Variants in ATP1A4 observed in about 807,000 individuals in gnomAD.
ATP1A4 encodes ATPase Na+/K+ transporting subunit alpha 4.
ATP1A4 carries 90 observed loss-of-function variants against 114.3 expected under a neutral mutation model. The observed-to-expected ratio is 0.79, with a 90% confidence interval of 0.66 to 0.94. The LOEUF is 0.94. ATP1A4 is among the 40% of genes least tolerant of loss of function. ATP1A4 has a pLI of 0.00. For missense variants in ATP1A4, 1,222 were observed against 1,313.6 expected (o/e 0.93, Z 1.08); for synonymous variants, 511 against 494.1 (o/e 1.03, Z -0.45).
chr1:160,160,214 T>C (rs1652820674), intron 6 of ATP1A4, among the ~76,000 whole-genome samples: 3 of 152,114 alleles, frequency 2.0e-5, no homozygotes, highest in African/African-American at 7.2e-5. Context: ...AATAGTTCTT[T>C]TGTTTGTTTT....
intron 2 of ATP1A4, 129 bp downstream of exon 2, chr1:160,153,353 C>T: frequency 1.3e-6 from 1 of 749,098 alleles, no homozygotes; most frequent in South Asian, 1.6e-5. Context: ...CACCCTCTGC[C>T]TGGCCACGTT....
chr1:160,162,532 C>T (rs1652898249), intron 6 of ATP1A4, among the ~76,000 whole-genome samples: 1 of 152,194 alleles, frequency 6.6e-6, no homozygotes, highest in Non-Finnish European at 1.5e-5. Flanking sequence ...GATTTCTCAA[C>T]CACTCACATT....
intron 18 of ATP1A4, among the ~76,000 whole-genome samples, chr1:160,179,117 C>A (rs764037750): frequency 3.3e-5 from 5 of 152,194 alleles, no homozygotes; most frequent in Non-Finnish European, 7.3e-5. Flanking sequence ...GTCTCCAAAC[C>A]AAGCCAATTG....
chr1:160,171,434 G>T lies in ATP1A4; in HGVS notation c.1675G>T (p.Val559Leu). Reference protein sequence around the residue: ...YLELGGLGERVLGFCFLNLPS... With the variant: ...YLELGGLGERLLGFCFLNLPS... ...AGAACTGGGAGGTCTGGGGGAACGT[G>T]TGCTAGGTGAGGAGCTTTGGGAGAA... is the stretch of plus-strand genomic sequence containing the variant. The change falls in exon 11 of 22, where the codon GTG becomes TTG. Residue 559 changes from valine (V) to leucine (L), a missense_variant. Val to Leu is a conservative substitution (Grantham distance 32). Transcript: ENST00000368081. 1.2e-6 allele frequency: 2 copies of T among 1,613,730 alleles called. No homozygotes were observed. The highest frequency in any genetic ancestry group is 1.7e-6 in the Non-Finnish European group (2 of 1,179,674).
chr1:160,166,511 T>A lies in ATP1A4; in HGVS notation c.1048-17T>A, dbSNP rs754470014. ...TCCATCTCCCATGTGTATTCTCTCCTCTCTTCTTGGCTTTAGGTGTGCCTG... is the reference window on the plus strand; with the variant it reads ...TCCATCTCCCATGTGTATTCTCTCCACTCTTCTTGGCTTTAGGTGTGCCTG... On this transcript the variant is annotated splice_polypyrimidine_tract_variant and intron_variant, in intron 7 of 21. Transcript: ENST00000368081. The A allele has an allele frequency of 1.1e-5, 18 of 1,613,858 alleles. No homozygotes were observed. Among genetic ancestry groups the A allele is most frequent in the African/African-American group, 1.3e-5 (1 of 74,904 alleles).
intron 21 of ATP1A4, 30 bp from the exon 22 acceptor site, chr1:160,186,641 C>G: frequency 6.2e-7 from 1 of 1,605,660 alleles, no homozygotes; most frequent in Non-Finnish European, 8.5e-7. Flanking sequence ...TTCCTTCTCC[C>G]AGTTCACGCT....
intron 21 of ATP1A4, 47 bp downstream of exon 21, chr1:160,186,414 C>T (rs762910015): frequency 1.4e-6 from 2 of 1,408,360 alleles, no homozygotes; most frequent in Admixed American, 1.7e-5. Context: ...CACCAGCCCC[C>T]TCACTAGCTC....
At chr1:160,160,012 T>C (rs901420757) in intron 6 of ATP1A4, among the ~76,000 whole-genome samples, 4 of 152,164 alleles carry the variant, frequency 2.6e-5, no homozygotes, top group Non-Finnish European at 2.9e-5. Context: ...CCACTTAAAC[T>C]TTGGCTTTGC....
chr1:160,164,602 C>T (rs569891857), intron 7 of ATP1A4, among the ~76,000 whole-genome samples, 178 bp downstream of exon 7: 10 of 152,304 alleles, frequency 6.6e-5, no homozygotes, highest in African/African-American at 1.9e-4. Context: ...CCATATATTT[C>T]GGTGTCTTCT....
intron 6 of ATP1A4, among the ~76,000 whole-genome samples, chr1:160,161,063 G>C (rs1293609881): frequency 6.6e-6 from 1 of 152,148 alleles, no homozygotes; most frequent in African/African-American, 2.4e-5. Context: ...GGTCTGTTTA[G>C]ATAGAAAATG....
In ATP1A4 at chr1:160,167,404, A is replaced by G. The variant is rs775918769; in HGVS notation, c.1483A>G (p.Lys495Glu). The G allele has an allele frequency of 6.2e-7, 1 of 1,612,872 alleles. No individual in the cohort carries two copies. The highest frequency in any genetic ancestry group is 8.5e-7 in the Non-Finnish European group (1 of 1,179,726). The change falls in exon 10 of 22, where the codon AAG becomes GAG. Residue 495 changes from lysine (K) to glutamate (E), a missense_variant. Transcript: ENST00000368081. ...AGAGATTCCCTTTAATTCTACCAACAAGTACCAGGTACAGAACCCACAAAG... is the reference window on the plus strand; with the variant it reads ...AGAGATTCCCTTTAATTCTACCAACGAGTACCAGGTACAGAACCCACAAAG... ...VAEIPFNSTN[K>E]YQMSIHLRED... is the part of the protein sequence containing the mutation.
chr1:160,158,021 T>C (rs1652728482), intron 4 of ATP1A4, among the ~76,000 whole-genome samples: 1 of 152,224 alleles, frequency 6.6e-6, no homozygotes, highest in South Asian at 2.1e-4. Flanking sequence ...TTGGTATCAC[T>C]TAATTCCTTC....
chr1:160,154,725 G>A (rs1287733264), intron 2 of ATP1A4, among the ~76,000 whole-genome samples: 1 of 152,016 alleles, frequency 6.6e-6, no homozygotes, highest in East Asian at 1.9e-4. Flanking sequence ...CTCCCCACTG[G>A]AGCACCTTAA....
chr1:160,186,533 T>C, intron 21 of ATP1A4, 138 bp from the exon 22 acceptor site: 1 of 1,119,088 alleles, frequency 8.9e-7, no homozygotes, highest in Non-Finnish European at 1.3e-6. Flanking sequence ...GCTGCACCCC[T>C]CTGCTCCATC....
At chr1:160,186,388 G>T in intron 21 of ATP1A4, 21 bp downstream of exon 21, 8 of 1,579,026 alleles carry the variant, frequency 5.1e-6, no homozygotes, top group Non-Finnish European at 6.9e-6. Flanking sequence ...CCTGGGCCCC[G>T]CTCTGACTGA....
chr1:160,171,580 T>A lies in ATP1A4; in HGVS notation c.1682-5T>A. The A allele has an allele frequency of 6.2e-7, 1 of 1,613,232 alleles. No homozygotes were observed. The highest frequency in any genetic ancestry group is 8.5e-7 in the Non-Finnish European group (1 of 1,179,488). ...CTACTGGTCCCTCCCTCTGTCTCTC[T>A]CCAGGCTTCTGCTTCTTGAATCTGC... On this transcript the variant is annotated splice_region_variant and splice_polypyrimidine_tract_variant and intron_variant, in intron 11 of 21. Coordinates refer to ENST00000368081, the MANE Select transcript of ATP1A4 (RefSeq NM_144699.4).
At chr1:160,180,442 G>C (rs1311708219) in intron 18 of ATP1A4, among the ~76,000 whole-genome samples, 21 of 152,230 alleles carry the variant, frequency 1.4e-4, no homozygotes, top group African/African-American at 2.4e-5. Context: ...CACCCCTTCT[G>C]TGTTCCCATA....
In ATP1A4 at chr1:160,176,221, T is replaced by C; in HGVS notation, c.2441T>C (p.Leu814Pro). Residue 814 changes from leucine (L) to proline (P), a missense_variant, in exon 16 of 22, where the codon CTC becomes CCC. Coordinates refer to ENST00000368081, the MANE Select transcript of ATP1A4 (RefSeq NM_144699.4). ...IPLPLGTITI[L>P]CIDLGTDMVP... ...CTGCCTCTGGGAACCATAACCATCC[T>C]CTGCATTGATCTCGGCACTGACATG... 1 of 1,614,104 alleles carries C rather than the reference T, an allele frequency of 6.2e-7. No individual in the cohort carries two copies. The highest frequency in any genetic ancestry group is 8.5e-7 in the Non-Finnish European group (1 of 1,180,024).
Position 160,171,665 on chromosome 1 carries a change from A to G in ATP1A4, c.1762A>G (p.Asn588Asp), listed in dbSNP as rs770770326. ...NTDEINFPMD[N>D]LCFVGLISMI... Reference sequence around the variant, plus strand: ...AGATGAAATAAATTTCCCCATGGACAACCTTTGTTTTGTGGGCCTCATATC... The same window carrying G: ...AGATGAAATAAATTTCCCCATGGACGACCTTTGTTTTGTGGGCCTCATATC... Residue 588 changes from asparagine to aspartate, a missense_variant, in exon 12 of 22, where the codon AAC becomes GAC. Asn to Asp is a conservative substitution (Grantham distance 23). Coordinates refer to ENST00000368081, the MANE Select transcript of ATP1A4 (RefSeq NM_144699.4). 5.6e-6 allele frequency: 9 copies of G among 1,614,116 alleles called. No homozygotes were observed. The highest frequency in any genetic ancestry group is 7.6e-6 in the Non-Finnish European group (9 of 1,180,010).
Sources: allele counts gnomAD v4.1 joint callset (sites outside exome capture counted in the v4.1 genomes callset), GRCh38; gene constraint gnomAD v4.1.1; transcripts MANE v1.5; gene names NCBI Gene and HGNC (gene_info 2026-07-23, HGNC 2026-07-21).